The following EBF1 variants were observed in gnomAD, a reference collection of about 807,000 sequenced individuals.
The protein encoded by EBF1 is transcription factor COE1.
Under a neutral mutation model 68.4 loss-of-function variants are expected in EBF1, and 10 were observed. The observed-to-expected ratio is 0.15, with a 90% CI of 0.09 to 0.25. The LOEUF is 0.25. Ranked by LOEUF, EBF1 falls within the 10% of genes least tolerant of loss-of-function variation. The pLI, the probability that EBF1 is intolerant of heterozygous loss-of-function variation, is 1.00. For missense variants in EBF1, 509 were observed against 794.4 expected, an observed-to-expected ratio of 0.64 and a Z score of 4.32; for synonymous variants, 298 against 299.8, an observed-to-expected ratio of 0.99 and a Z score of 0.06.
intron 6 of EBF1, among the ~76,000 whole-genome samples, chr5:158,893,305 G>T (rs189102326): frequency 6.6e-6 from 1 of 152,304 alleles, no homozygotes; most frequent in Admixed American, 6.5e-5. Flanking sequence ...GCATGGCTGG[G>T]ATTAGGAGTT....
At chr5:158,778,468 G>A (rs145321059) in intron 9 of EBF1, among the ~76,000 whole-genome samples, 1 of 152,186 alleles carries the variant, frequency 6.6e-6, no homozygotes, top group Non-Finnish European at 1.5e-5. Context: ...TTGTGGTATT[G>A]AGTCCACTGC....
At chr5:158,728,399 C>T (rs1581380601) in intron 11 of EBF1, among the ~76,000 whole-genome samples, 3 of 152,306 alleles carry the variant, frequency 2.0e-5, no homozygotes, top group East Asian at 3.9e-4. Flanking sequence ...GTGACACGTG[C>T]CTATGCTATT....
chr5:158,921,588 C>T (rs1385327665), intron 6 of EBF1, among the ~76,000 whole-genome samples: 1 of 152,206 alleles, frequency 6.6e-6, no homozygotes, highest in Non-Finnish European at 1.5e-5. Flanking sequence ...TCACCTAATG[C>T]AATCTGTGAC....
chr5:159,081,843 C>T (rs77699907), intron 5 of EBF1, among the ~76,000 whole-genome samples: 3,176 of 152,142 alleles, frequency 0.021, 59 homozygotes, highest in Non-Finnish European at 0.034. Flanking sequence ...ATGTGTGGGG[C>T]CGTATTATTT....
Position 158,743,146 on chromosome 5 carries a change from G to T in EBF1, c.1037-11989C>A, listed in dbSNP as rs140945875. Among the ~76,000 whole-genome samples the T allele has an allele frequency of 3.8e-3, 586 of 152,270 alleles. 4 individuals are homozygous for T. The highest frequency in any genetic ancestry group is 0.014 in the African/African-American group (570 of 41,568). On this transcript the variant is annotated intron_variant, in intron 10 of 15. Transcript: ENST00000313708. ...CTACCCAAAAATATACAAAACTGTA[G>T]CATTATTAATGTACACTGCACAAAA...
chr5:158,994,342 C>T (rs1287608880), intron 6 of EBF1, among the ~76,000 whole-genome samples: 1 of 152,164 alleles, frequency 6.6e-6, no homozygotes, highest in African/African-American at 2.4e-5. Context: ...GTGGCTTTGC[C>T]CAAACCCAGC....
chr5:158,884,096 T>C (rs952506855), intron 6 of EBF1, among the ~76,000 whole-genome samples: 7 of 152,208 alleles, frequency 4.6e-5, no homozygotes, highest in Admixed American at 4.6e-4. Flanking sequence ...CACAATACTA[T>C]TATTTGCTAA....
At chr5:159,041,443 G>A (rs1283023671) in intron 6 of EBF1, among the ~76,000 whole-genome samples, 1 of 152,122 alleles carries the variant, frequency 6.6e-6, no homozygotes, top group Non-Finnish European at 1.5e-5. Flanking sequence ...TACTAAAACA[G>A]CCTGTCGCGT....
At chr5:158,937,146 T>C (rs1181976495) in intron 6 of EBF1, among the ~76,000 whole-genome samples, 1 of 151,948 alleles carries the variant, frequency 6.6e-6, no homozygotes, top group Non-Finnish European at 1.5e-5. Context: ...TGGGTGGGGG[T>C]ACTTTTCCTT....
chr5:158,863,123 G>A (rs1795248899), intron 6 of EBF1, among the ~76,000 whole-genome samples: 1 of 152,124 alleles, frequency 6.6e-6, no homozygotes, highest in Non-Finnish European at 1.5e-5. Context: ...CTAAAGGTTT[G>A]TAACCTTCAT....
At chr5:158,921,600 C>T (rs1583184747) in intron 6 of EBF1, among the ~76,000 whole-genome samples, 1 of 152,164 alleles carries the variant, frequency 6.6e-6, no homozygotes, top group Admixed American at 6.5e-5. Flanking sequence ...ATCTGTGACT[C>T]GCAAATTGCA....
At chr5:158,728,068 C>T (rs1763352179) in intron 11 of EBF1, among the ~76,000 whole-genome samples, 1 of 152,178 alleles carries the variant, frequency 6.6e-6, no homozygotes, top group Non-Finnish European at 1.5e-5. Context: ...AGGCGCAGCC[C>T]ATTTTTATCT....
chr5:159,003,557 G>A (rs112805502), intron 6 of EBF1, among the ~76,000 whole-genome samples: 3,457 of 152,286 alleles, frequency 0.023, 58 homozygotes, highest in Non-Finnish European at 0.036. Flanking sequence ...GACCTTGGAT[G>A]ATTTCCTCTT....
chr5:159,017,297 A>G (rs1428007145), intron 6 of EBF1, among the ~76,000 whole-genome samples: 1 of 152,260 alleles, frequency 6.6e-6, no homozygotes, highest in Non-Finnish European at 1.5e-5. Flanking sequence ...AGTGATTTAA[A>G]TTTTTGAAAA....
At chr5:158,770,519 T>C (rs1773652350) in intron 10 of EBF1, among the ~76,000 whole-genome samples, 1 of 152,110 alleles carries the variant, frequency 6.6e-6, no homozygotes, top group Non-Finnish European at 1.5e-5. Context: ...CTCCTCCCCA[T>C]GGCTTATAAA....
chr5:158,988,119 T>C (rs937546567), intron 6 of EBF1, among the ~76,000 whole-genome samples: 3 of 152,192 alleles, frequency 2.0e-5, no homozygotes, highest in Non-Finnish European at 4.4e-5. Context: ...GTGGAATGGA[T>C]GAGTGAATGA....
At chr5:158,872,270 C>G (rs1797012831) in intron 6 of EBF1, among the ~76,000 whole-genome samples, 1 of 151,756 alleles carries the variant, frequency 6.6e-6, no homozygotes, top group Non-Finnish European at 1.5e-5. Context: ...GATCTCAGCT[C>G]ACTGCAACCT....
At chr5:158,772,059 A>G (rs1399899937) in intron 10 of EBF1, among the ~76,000 whole-genome samples, 1 of 152,156 alleles carries the variant, frequency 6.6e-6, no homozygotes, top group Non-Finnish European at 1.5e-5. Flanking sequence ...CTAGCCCCAG[A>G]GCACAGTGAG....
At chr5:159,018,988 G>A (rs775712742) in intron 6 of EBF1, 11 of 152,242 alleles carry the variant, frequency 7.2e-5, no homozygotes, top group South Asian at 2.1e-4. Flanking sequence ...AAGCCGCCCC[G>A]GATCTTGGAG....
Sources: allele counts gnomAD v4.1 joint callset (sites outside exome capture counted in the v4.1 genomes callset), GRCh38; gene constraint gnomAD v4.1.1; transcripts MANE v1.5; gene names NCBI Gene and HGNC (gene_info 2026-07-23, HGNC 2026-07-21).